The following GAN variants were observed in gnomAD, a reference collection of about 807,000 sequenced individuals.
GAN encodes the protein gigaxonin.
In GAN, 48 loss-of-function variants were observed where a neutral mutation model predicts 71.3. The observed-to-expected ratio is 0.67, with a 90% CI of 0.53 to 0.86. The LOEUF (loss-of-function observed/expected upper bound fraction) is 0.86. Ranked by LOEUF, GAN falls within the 40% of genes least tolerant of loss-of-function variation. The probability of loss-of-function intolerance (pLI) is 0.00; values close to 1 mark genes in which losing one functional copy is unlikely to be tolerated. For missense variants in GAN, 928 were observed against 770.1 expected (o/e 1.21, Z -2.43); for synonymous variants, 386 against 276.8 (o/e 1.39, Z -3.92).
At chr16:81,319,185 T>TA (rs1241120863) in intron 1 of GAN, among the ~76,000 whole-genome samples, 40 of 116,766 alleles carry the variant, frequency 3.4e-4, no homozygotes, top group East Asian at 1.1e-3. Flanking sequence ...TCTCTTAAAT[T>TA]AAAAAAAAAA....
rs183917072 is a variant in GAN at position 81,377,092 on chromosome 16, C to T, written c.1503-127C>T. On this transcript the variant is annotated intron_variant, in intron 9 of 10. Coordinates refer to ENST00000648994, the MANE Select transcript of GAN (RefSeq NM_022041.4). ...TGTCGGTGGTTACCTGGCAGTGGAA[C>T]GTGGGGTCGAGATTGGCACAGTGCC... 237 of 771,786 alleles carry T rather than the reference C, an allele frequency of 3.1e-4. 1 individual carries two copies. Among genetic ancestry groups the T allele is most frequent in the African/African-American group, 8.5e-5 (5 of 58,936 alleles). 47.8% of individuals were successfully genotyped at this position (771,786 alleles called of 1,614,324 possible).
At chr16:81,348,190 C>T (rs569524914) in intron 1 of GAN, among the ~76,000 whole-genome samples, 1 of 152,182 alleles carries the variant, frequency 6.6e-6, no homozygotes, top group East Asian at 1.9e-4. Flanking sequence ...TAGGAGATTT[C>T]CTCAACTTTT....
rs12929567 is a variant in GAN, at chr16:81,315,003, G to T, written c.-111G>T. On this transcript the variant is annotated 5_prime_UTR_variant, in exon 1 of 11. Transcript: ENST00000648994. ...TCCCGGGGGCTCCAGCTTCTGCTCA[G>T]AGCGCGGAGAGCCGGGCCGGGCGGG... is the stretch of plus-strand genomic sequence containing the variant. 2.1e-6 allele frequency: 2 copies of T among 946,848 alleles called. No individual in the cohort carries two copies. The highest frequency in any genetic ancestry group is 2.9e-6 in the Non-Finnish European group (2 of 697,606). 58.7% of individuals were successfully genotyped at this position (946,848 alleles called of 1,614,324 possible).
At chr16:81,376,308 C>A (rs1027763892) in intron 9 of GAN, among the ~76,000 whole-genome samples, 8 of 151,976 alleles carry the variant, frequency 5.3e-5, no homozygotes, top group African/African-American at 1.7e-4. Context: ...AAAACTGGAA[C>A]GTCAACAGGT....
Position 81,357,110 on chromosome 16 carries a change from A to T in GAN, c.851+108A>T, listed in dbSNP as rs532829471. 66 of 665,406 alleles carry T rather than the reference A, an allele frequency of 9.9e-5. No homozygotes were observed. The East Asian group carries it at 1.9e-3, about 19-fold the overall frequency. The allele number at this position is 665,406 out of a possible 1,614,324, so 41.2% of individuals were successfully genotyped here. A position where few individuals can be genotyped will look rare whatever the true frequency, so the allele number is the denominator to read the frequency against. On this transcript the variant is annotated intron_variant, in intron 4 of 10. Transcript: ENST00000648994. Reference sequence around the variant, plus strand: ...AGTATCTAAAACATAATTACATTTGATTTTTTTTTTTATACTTTAAGTTTT... The same window carrying T: ...AGTATCTAAAACATAATTACATTTGTTTTTTTTTTTTATACTTTAAGTTTT...
chr16:81,357,080 T>G, intron 4 of GAN, 78 bp downstream of exon 4: 2 of 912,566 alleles, frequency 2.2e-6, no homozygotes, highest in East Asian at 4.8e-5. Flanking sequence ...TTCATAATGC[T>G]TTTCAGTATC....
chr16:81,364,057 CTT>C (rs1284760108), intron 7 of GAN, 114 bp downstream of exon 7: 1 of 866,178 alleles, frequency 1.2e-6, no homozygotes, highest in Non-Finnish European at 2.0e-6. Flanking sequence ...AAAGAATTAA[CTT>C]TATAGAACTC....
intron 1 of GAN, among the ~76,000 whole-genome samples, chr16:81,325,367 G>C (rs1456959899): frequency 6.6e-6 from 1 of 152,162 alleles, no homozygotes; most frequent in Non-Finnish European, 1.5e-5. Context: ...GGGTGAAAGG[G>C]GACAGCAGGG....
intron 2 of GAN, among the ~76,000 whole-genome samples, chr16:81,353,009 G>T (rs1490474285): frequency 6.6e-6 from 1 of 152,194 alleles, no homozygotes; most frequent in Non-Finnish European, 1.5e-5. Context: ...ACGATAGTTG[G>T]GGCCGGGCGC....
At position 81,356,934 on chromosome 16, in the gene GAN, G is replaced by T. The variant is rs774678754; in HGVS notation, c.783G>T (p.Ala261=). ...IPLSQPQQGE[A]MLANFKPRGY... is the part of the protein sequence containing the mutation. Reference sequence around the variant, plus strand: ...TCAGCCAGCCGCAGCAAGGGGAGGCGATGCTGGCCAACTTCAAACCCCGGG... The same window carrying T: ...TCAGCCAGCCGCAGCAAGGGGAGGCTATGCTGGCCAACTTCAAACCCCGGG... Residue 261 remains alanine (A), a synonymous_variant, in exon 4 of 11, where the codon GCG becomes GCT. Transcript: ENST00000648994. 23 of 1,613,702 alleles carry T rather than the reference G, an allele frequency of 1.4e-5. No homozygotes were observed. The African/African-American group carries it at 2.9e-4, about 21-fold the overall frequency.
In GAN at chr16:81,382,650, A is replaced by G. The variant is rs1904311270; in HGVS notation, c.*5054A>G. ...TAGTTTTGAGAAATTACAGAAATTCATAGTATAAGGATGAGAAGGGGCCCA... is the reference window on the plus strand; with the variant it reads ...TAGTTTTGAGAAATTACAGAAATTCGTAGTATAAGGATGAGAAGGGGCCCA... On this transcript the variant is annotated 3_prime_UTR_variant, in exon 11 of 11. Transcript: ENST00000648994. The G allele has an allele frequency of 6.6e-6, 1 of 152,248 alleles. No individual in the cohort carries two copies. The highest frequency in any genetic ancestry group is 1.5e-5 in the Non-Finnish European group (1 of 68,054). The allele number at this position is 152,248 out of a possible 1,614,324, so 9.4% of individuals were successfully genotyped here. A position where few individuals can be genotyped will look rare whatever the true frequency, so the allele number is the denominator to read the frequency against.
chr16:81,318,305 T>G (rs1909112098), intron 1 of GAN, among the ~76,000 whole-genome samples: 1 of 152,228 alleles, frequency 6.6e-6, no homozygotes, highest in Admixed American at 6.5e-5. Flanking sequence ...TGATTTTGTT[T>G]AATGTCTGTG....
chr16:81,359,235 C>A (rs79382352), intron 5 of GAN, among the ~76,000 whole-genome samples: 2 of 152,068 alleles, frequency 1.3e-5, no homozygotes, highest in African/African-American at 4.8e-5. Context: ...TCCTAATTTT[C>A]ACACATACAC....
At position 81,380,587 on chromosome 16, in the gene GAN, A is replaced by G. The variant is rs969814099; in HGVS notation, c.*2991A>G. On this transcript the variant is annotated 3_prime_UTR_variant, in exon 11 of 11. Coordinates refer to ENST00000648994, the MANE Select transcript of GAN (RefSeq NM_022041.4). ...GAGTTGTACGTGTGTGTGTGATGCT[A>G]TTTGACCTGATAAATGTATTTGTGT... The G allele has an allele frequency of 1.3e-5, 2 of 152,176 alleles. No homozygotes were observed. Among genetic ancestry groups the G allele is most frequent in the African/African-American group, 4.8e-5 (2 of 41,448 alleles). 9.4% of individuals were successfully genotyped at this position (152,176 alleles called of 1,614,324 possible).
chr16:81,336,738 A>G (rs567878541), intron 1 of GAN, among the ~76,000 whole-genome samples: 30 of 152,138 alleles, frequency 2.0e-4, no homozygotes, highest in Admixed American at 1.6e-3. Context: ...TCGGCCTCCA[A>G]AAGTGTTGGG....
At chr16:81,327,626 T>G (rs1336921353) in intron 1 of GAN, among the ~76,000 whole-genome samples, 1 of 150,202 alleles carries the variant, frequency 6.7e-6, no homozygotes, top group Non-Finnish European at 1.5e-5. Flanking sequence ...AAAATCTTCC[T>G]TGTAACTCTC....
In GAN at chr16:81,382,894, C is replaced by T. The variant is rs1904312722; in HGVS notation, c.*5298C>T. The T allele has an allele frequency of 6.6e-6, 1 of 152,176 alleles. No homozygotes were observed. Among genetic ancestry groups the T allele is most frequent in the Admixed American group, 6.5e-5 (1 of 15,286 alleles). 9.4% of individuals were successfully genotyped at this position (152,176 alleles called of 1,614,324 possible). On this transcript the variant is annotated 3_prime_UTR_variant, in exon 11 of 11. Transcript: ENST00000648994. ...CATTGTAATAGTTCCATTTATGTGA[C>T]ATCTGAGGAATTAAATCATACTTCC...
intron 2 of GAN, among the ~76,000 whole-genome samples, chr16:81,352,132 T>G (rs1330361456): frequency 6.6e-6 from 1 of 152,094 alleles, no homozygotes; most frequent in Non-Finnish European, 1.5e-5. Context: ...TTGGTAGAAA[T>G]AGAGAGTTCC....
intron 1 of GAN, among the ~76,000 whole-genome samples, chr16:81,351,131 G>C (rs1567489901): frequency 6.6e-6 from 1 of 152,256 alleles, no homozygotes; most frequent in Non-Finnish European, 1.5e-5. Context: ...GGTTACTTCA[G>C]ATGGTGGAAG....
Sources: allele counts gnomAD v4.1 joint callset (sites outside exome capture counted in the v4.1 genomes callset), GRCh38; gene constraint gnomAD v4.1.1; transcripts MANE v1.5; gene names NCBI Gene and HGNC (gene_info 2026-07-23, HGNC 2026-07-21).